The following JAKMIP2 variants were observed in gnomAD, a reference collection of about 807,000 sequenced individuals.
The protein encoded by JAKMIP2 is janus kinase and microtubule-interacting protein 2.
A neutral mutation model predicts 115.0 loss-of-function variants in JAKMIP2; 25 were observed. The observed-to-expected ratio is 0.22, with a 90% CI of 0.16 to 0.30. JAKMIP2 has a LOEUF of 0.30. Among genes scored for constraint, JAKMIP2 ranks in the 10% least tolerant of loss-of-function variants. The probability of loss-of-function intolerance (pLI) is 1.00; values close to 1 mark genes in which losing one functional copy is unlikely to be tolerated. For missense variants in JAKMIP2, 642 were observed against 957.6 expected, an observed-to-expected ratio of 0.67 and a Z score of 4.35; for synonymous variants, 334 against 343.6, an observed-to-expected ratio of 0.97 and a Z score of 0.31.
At chr5:147,722,650 A>G (rs1173235976) in intron 1 of JAKMIP2, among the ~76,000 whole-genome samples, 1 of 152,214 alleles carries the variant, frequency 6.6e-6, no homozygotes, top group Non-Finnish European at 1.5e-5. Context: ...CAGTCATAGA[A>G]GGAAGGTGAT....
intron 1 of JAKMIP2, among the ~76,000 whole-genome samples, chr5:147,779,422 T>C (rs1172063289): frequency 6.6e-6 from 1 of 152,064 alleles, no homozygotes; most frequent in Non-Finnish European, 1.5e-5. Context: ...ATTTGTTTTT[T>C]TAAAAAAAAC....
intron 1 of JAKMIP2, among the ~76,000 whole-genome samples, chr5:147,734,700 A>G (rs1295936470): frequency 6.6e-6 from 1 of 152,060 alleles, no homozygotes; most frequent in Non-Finnish European, 1.5e-5. Context: ...ATTTGTGATA[A>G]ACTTTCCATC....
chr5:147,619,170 C>G (rs539100015), intron 18 of JAKMIP2, among the ~76,000 whole-genome samples: 1 of 152,068 alleles, frequency 6.6e-6, no homozygotes, highest in African/African-American at 2.4e-5. Flanking sequence ...ACCAGACATG[C>G]TTTGGTGAGA....
At chr5:147,604,826 T>G (rs1755908860) in intron 20 of JAKMIP2, among the ~76,000 whole-genome samples, 1 of 148,984 alleles carries the variant, frequency 6.7e-6, no homozygotes, top group Non-Finnish European at 1.5e-5. Context: ...TTATTATTAT[T>G]ATTATTATTA....
intron 7 of JAKMIP2, among the ~76,000 whole-genome samples, chr5:147,642,660 G>T (rs1438005830): frequency 1.3e-5 from 2 of 151,482 alleles, no homozygotes; most frequent in African/African-American, 4.8e-5. Flanking sequence ...GTGGTGTTCG[G>T]GCTTTTTTTT....
At chr5:147,629,880 T>A in intron 14 of JAKMIP2, 134 bp from the exon 15 acceptor site, 2 of 642,710 alleles carry the variant, frequency 3.1e-6, no homozygotes, top group Non-Finnish European at 5.3e-6. Context: ...GCACACCTAG[T>A]TTTAAGTTTC....
chr5:147,618,387 C>CTTTTTAGAAAGCCCTCACTTTGTTATAA (rs11269592), intron 18 of JAKMIP2, among the ~76,000 whole-genome samples: 2 of 152,162 alleles, frequency 1.3e-5, no homozygotes, highest in African/African-American at 4.8e-5. Flanking sequence ...TATACTTTTC[C>CTTTTTAGAAAGCCCTCACTTTGTTATAA]TAACTGTAGT....
At chr5:147,624,995 T>A (rs1283065468) in intron 16 of JAKMIP2, among the ~76,000 whole-genome samples, 2 of 151,120 alleles carry the variant, frequency 1.3e-5, no homozygotes, top group African/African-American at 2.4e-5. Flanking sequence ...TATTATTATT[T>A]TTTGAGACAA....
chr5:147,675,783 ATTTTTTT>A (rs1245892919), intron 1 of JAKMIP2, among the ~76,000 whole-genome samples: 1,104 of 99,214 alleles, frequency 0.011, 16 homozygotes, highest in African/African-American at 0.035. Flanking sequence ...ATCATATGAC[ATTTTTTT>A]TTTTTTTTTT....
chr5:147,722,501 C>A (rs1753353611), intron 1 of JAKMIP2, among the ~76,000 whole-genome samples: 1 of 152,064 alleles, frequency 6.6e-6, no homozygotes, highest in South Asian at 2.1e-4. Context: ...GGATTTGCAC[C>A]AATGAGTTCC....
chr5:147,761,775 T>G (rs975961946), intron 1 of JAKMIP2, among the ~76,000 whole-genome samples: 12 of 151,994 alleles, frequency 7.9e-5, no homozygotes, highest in African/African-American at 2.7e-4. Context: ...GCTAAATAAA[T>G]ATGACAAATG....
chr5:147,608,016 G>T (rs1756119646), intron 20 of JAKMIP2, among the ~76,000 whole-genome samples: 1 of 152,070 alleles, frequency 6.6e-6, no homozygotes, highest in African/African-American at 2.4e-5. Flanking sequence ...GATCAGTGGT[G>T]ATCCCCCCTT....
chr5:147,670,714 A>G (rs2126804345), intron 2 of JAKMIP2, among the ~76,000 whole-genome samples: 1 of 152,338 alleles, frequency 6.6e-6, no homozygotes, highest in South Asian at 2.1e-4. Flanking sequence ...TAAGCACATA[A>G]TATACTTATC....
intron 19 of JAKMIP2, among the ~76,000 whole-genome samples, chr5:147,617,063 T>C (rs1376165388): frequency 1.3e-5 from 2 of 152,236 alleles, no homozygotes; most frequent in African/African-American, 4.8e-5. Flanking sequence ...GGAATCCTTA[T>C]TGAATCTGTA....
intron 20 of JAKMIP2, among the ~76,000 whole-genome samples, chr5:147,608,216 C>T (rs1185823577): frequency 6.6e-6 from 1 of 152,102 alleles, no homozygotes; most frequent in Non-Finnish European, 1.5e-5. Flanking sequence ...ATTCTGCTAA[C>T]TTTTGAATTT....
At chr5:147,749,915 C>T (rs1277281516) in intron 1 of JAKMIP2, among the ~76,000 whole-genome samples, 1 of 152,120 alleles carries the variant, frequency 6.6e-6, no homozygotes, top group African/African-American at 2.4e-5. Flanking sequence ...GTTGGTTTGA[C>T]TTATCCATTC....
rs752568386 is a variant in JAKMIP2 at position 147,636,179 on chromosome 5, T to C, written c.1677+43A>G. On this transcript the variant is annotated intron_variant, in intron 12 of 21. Coordinates refer to ENST00000616793, the MANE Select transcript of JAKMIP2 (RefSeq NM_001270941.2). The stretch of plus-strand genomic sequence containing the variant: ...CCCCCTGCTGCTCCTGGATCTCTCA[T>C]GATTTTCTCCTCTGCCCCGCTAGGG... 4 of 1,541,038 alleles carry C rather than the reference T, an allele frequency of 2.6e-6. No individual in the cohort carries two copies. The African/African-American group carries it at 5.5e-5, about 21-fold the overall frequency.
intron 1 of JAKMIP2, among the ~76,000 whole-genome samples, chr5:147,713,045 C>T (rs1752842099): frequency 6.6e-6 from 1 of 152,106 alleles, no homozygotes; most frequent in African/African-American, 2.4e-5. Flanking sequence ...CCAGCAACCT[C>T]CATAAATAAG....
At chr5:147,601,977 C>G (rs1253682466) in intron 20 of JAKMIP2, among the ~76,000 whole-genome samples, 166 bp from the exon 21 acceptor site, 1 of 152,168 alleles carries the variant, frequency 6.6e-6, no homozygotes, top group African/African-American at 2.4e-5. Flanking sequence ...TAGCTACTGA[C>G]AGAGTATCAG....
Sources: allele counts gnomAD v4.1 joint callset (sites outside exome capture counted in the v4.1 genomes callset), GRCh38; gene constraint gnomAD v4.1.1; transcripts MANE v1.5; gene names NCBI Gene and HGNC (gene_info 2026-07-23, HGNC 2026-07-21).